Variants in CENPP observed in about 807,000 individuals in gnomAD.
The protein encoded by CENPP is centromere protein P.
A neutral mutation model predicts 35.6 loss-of-function variants in CENPP; 24 were observed. The observed-to-expected ratio is 0.67, with a 90% CI of 0.49 to 0.95. CENPP has a LOEUF of 0.95. CENPP is among the 40% of genes least tolerant of loss of function. The pLI is 0.00. For synonymous variants in CENPP, 120 were observed against 125.5 expected, an observed-to-expected ratio of 0.96 and a Z score of 0.29; for missense variants, 332 against 345.3, an observed-to-expected ratio of 0.96 and a Z score of 0.31.
chr9:92,466,115 G>C (rs558487443), intron 5 of CENPP, among the ~76,000 whole-genome samples: 61 of 152,320 alleles, frequency 4.0e-4, no homozygotes, highest in African/African-American at 1.3e-3. Context: ...TTACAAGCGT[G>C]AGCCACCAGG....
intron 5 of CENPP, among the ~76,000 whole-genome samples, chr9:92,600,924 G>A (rs1246981782): frequency 4.6e-5 from 7 of 152,188 alleles, no homozygotes; most frequent in South Asian, 2.1e-4. Flanking sequence ...CACTGAGGGC[G>A]ACTGATCTCT....
In CENPP at chr9:92,617,160, G is replaced by T. The variant is rs1256007338; in HGVS notation, c.*4011G>T. The T allele has an allele frequency of 3.9e-5, 6 of 152,308 alleles. No individual in the cohort carries two copies. The East Asian group carries it at 1.2e-3, about 29-fold the overall frequency. The allele number at this position is 152,308 out of a possible 1,614,324, so 9.4% of individuals were successfully genotyped here. A position where few individuals can be genotyped will look rare whatever the true frequency, so the allele number is the denominator to read the frequency against. ...TAAGGTCATGAGTCTCGCTCCAGAA[G>T]CTGGAGTGTGCCTGCAGCTCATCCC... On this transcript the variant is annotated 3_prime_UTR_variant, in exon 8 of 8. Coordinates refer to ENST00000375587, the MANE Select transcript of CENPP (RefSeq NM_001012267.3).
intron 5 of CENPP, among the ~76,000 whole-genome samples, chr9:92,454,202 A>C (rs1038433009): frequency 6.6e-6 from 1 of 152,174 alleles, no homozygotes; most frequent in East Asian, 1.9e-4. Flanking sequence ...TGTTTTTTGC[A>C]AACTTAAAAC....
chr9:92,514,680 G>T, intron 5 of CENPP: 1 of 1,609,380 alleles, frequency 6.2e-7, no homozygotes, highest in Non-Finnish European at 8.5e-7. Context: ...GTGGTATCTG[G>T]GTAAGCATGG....
At chr9:92,612,737 G>A (rs1851301131) in intron 7 of CENPP, 123 bp downstream of exon 7, 1 of 752,252 alleles carries the variant, frequency 1.3e-6, no homozygotes, top group South Asian at 1.7e-5. Context: ...AATGTACTTT[G>A]TCTATCAATT....
chr9:92,430,429 T>C (rs367973770), intron 5 of CENPP, among the ~76,000 whole-genome samples: 36 of 145,172 alleles, frequency 2.5e-4, no homozygotes, highest in African/African-American at 8.4e-4. Context: ...TTCTCTCTCT[T>C]TTTTTTTTTT....
intron 2 of CENPP, among the ~76,000 whole-genome samples, chr9:92,335,701 C>T (rs1309823171): frequency 1.3e-5 from 2 of 152,128 alleles, no homozygotes; most frequent in South Asian, 2.1e-4. Flanking sequence ...ACTGTATCTG[C>T]GTGAGTCTAT....
intron 5 of CENPP, chr9:92,386,154 G>T: frequency 7.1e-7 from 1 of 1,402,800 alleles, no homozygotes; most frequent in South Asian, 1.2e-5. Flanking sequence ...ACAAGATTTT[G>T]ACTCATAGGT....
At chr9:92,551,643 C>T (rs1849589436) in intron 5 of CENPP, among the ~76,000 whole-genome samples, 1 of 151,596 alleles carries the variant, frequency 6.6e-6, no homozygotes, top group African/African-American at 2.4e-5. Context: ...TACACTGCAC[C>T]CTATTTGTTG....
chr9:92,502,305 C>A (rs1002076197), intron 5 of CENPP, among the ~76,000 whole-genome samples: 2 of 152,182 alleles, frequency 1.3e-5, no homozygotes, highest in Admixed American at 1.3e-4. Flanking sequence ...ATAATCCTAA[C>A]ACCAGTCATG....
At chr9:92,343,882 G>A (rs1228722554) in intron 3 of CENPP, among the ~76,000 whole-genome samples, 1 of 147,284 alleles carries the variant, frequency 6.8e-6, no homozygotes, top group Non-Finnish European at 1.5e-5. Flanking sequence ...AGGATTGCTT[G>A]AGCCCACAAA....
intron 5 of CENPP, among the ~76,000 whole-genome samples, chr9:92,433,168 A>G (rs996200131): frequency 2.6e-5 from 4 of 152,196 alleles, no homozygotes; most frequent in African/African-American, 9.6e-5. Flanking sequence ...TCCAAGATCA[A>G]GGCACCAGCA....
intron 5 of CENPP, among the ~76,000 whole-genome samples, chr9:92,563,760 C>A (rs528569115): frequency 6.7e-6 from 1 of 149,344 alleles, no homozygotes; most frequent in Non-Finnish European, 1.5e-5. Context: ...CTCCCTCCCC[C>A]TCTTCCTCCC....
rs949933733 is a variant in CENPP, at chr9:92,618,782, A to C, written c.*5633A>C. The C allele has an allele frequency of 4.5e-5, 16 of 353,246 alleles. No individual in the cohort carries two copies. Among genetic ancestry groups the C allele is most frequent in the African/African-American group, 3.0e-4 (14 of 46,680 alleles). 21.9% of individuals were successfully genotyped at this position (353,246 alleles called of 1,614,324 possible). On this transcript the variant is annotated 3_prime_UTR_variant, in exon 8 of 8. Coordinates refer to ENST00000375587, the MANE Select transcript of CENPP (RefSeq NM_001012267.3). ...AATCCTGGGAACTGTTTAGTTCAAA[A>C]GCACCGGGAAAGTGAGTGGCTGGCA... is the stretch of plus-strand genomic sequence containing the variant.
chr9:92,532,032 T>TA (rs1848822440), intron 5 of CENPP, among the ~76,000 whole-genome samples: 5 of 132,670 alleles, frequency 3.8e-5, no homozygotes, highest in East Asian at 4.0e-4. Context: ...TTTTTTTATT[T>TA]TATTTTTTTT....
At chr9:92,339,109 C>G (rs1841025954) in intron 3 of CENPP, among the ~76,000 whole-genome samples, 1 of 152,188 alleles carries the variant, frequency 6.6e-6, no homozygotes, top group Non-Finnish European at 1.5e-5. Flanking sequence ...AGAGGAGGAA[C>G]AGAACAGGGA....
chr9:92,562,122 A>C (rs1266608719), intron 5 of CENPP, among the ~76,000 whole-genome samples: 1 of 152,184 alleles, frequency 6.6e-6, no homozygotes, highest in African/African-American at 2.4e-5. Context: ...CTGGAGTTCA[A>C]ATCTCAGCTA....
chr9:92,496,560 T>TA (rs1346823978), intron 5 of CENPP: 8 of 1,535,258 alleles, frequency 5.2e-6, no homozygotes, highest in African/African-American at 2.8e-5. Context: ...TAACATTTGT[T>TA]AAAAAAATTT....
chr9:92,486,786 T>TA (rs1846067897), intron 5 of CENPP, among the ~76,000 whole-genome samples: 3 of 151,696 alleles, frequency 2.0e-5, no homozygotes, highest in Admixed American at 6.6e-5. Flanking sequence ...GTGTCAATTT[T>TA]TTTTTTTTTT....
Sources: gnomAD v4.1 joint callset for allele counts (sites outside exome capture counted in the v4.1 genomes callset) on GRCh38, gnomAD v4.1.1 for gene constraint, MANE v1.5 for transcripts, NCBI Gene and HGNC (gene_info 2026-07-23, HGNC 2026-07-21) for gene names.